Variants in PRDM11 observed in about 807,000 individuals in gnomAD.
The protein encoded by PRDM11 is PR/SET domain 11.
In PRDM11, 20 loss-of-function variants were observed where a neutral mutation model predicts 97.8. The observed-to-expected ratio is 0.20, with a 90% CI of 0.14 to 0.30. PRDM11 has a LOEUF of 0.30. Among genes scored for constraint, PRDM11 ranks in the 10% least tolerant of loss-of-function variants. PRDM11 has a pLI of 1.00. For synonymous variants in PRDM11, 599 were observed against 637.7 expected (o/e 0.94, Z 0.91); for missense variants, 1,139 against 1,555.2 (o/e 0.73, Z 4.50).
chr11:45,194,089 C>A (rs1231934723), intron 4 of PRDM11, among the ~76,000 whole-genome samples: 1 of 152,210 alleles, frequency 6.6e-6, no homozygotes, highest in Non-Finnish European at 1.5e-5. Flanking sequence ...GCCTGTTAAA[C>A]AGTCTAGTTC....
chr11:45,211,865 C>T (rs1853749401), intron 5 of PRDM11, among the ~76,000 whole-genome samples: 1 of 152,128 alleles, frequency 6.6e-6, no homozygotes, highest in Admixed American at 6.5e-5. Context: ...AACCAAACAC[C>T]ACCTGTACCC....
At position 45,098,599 on chromosome 11, in the gene PRDM11, G is replaced by A. The variant is rs117083966; in HGVS notation, c.96+2698G>A. On this transcript the variant is annotated intron_variant, in intron 1 of 6. Coordinates refer to the PRDM11 transcript ENST00000530656. ...GCAGAGCTGGGATTTGCATCCATGT[G>A]GTCAGGTCCCAGGATCCATGATTTT... 7.1e-3 allele frequency among the ~76,000 whole-genome samples: 1,085 copies of A among 152,270 alleles called. 5 individuals are homozygous for A. Among genetic ancestry groups the A allele is most frequent in the Non-Finnish European group, 0.011 (765 of 68,016 alleles).
chr11:45,124,773 T>C (rs1276533175), intron 1 of PRDM11, among the ~76,000 whole-genome samples: 1 of 152,228 alleles, frequency 6.6e-6, no homozygotes, highest in Non-Finnish European at 1.5e-5. Flanking sequence ...GCATCAATGT[T>C]CATCAAGGAT....
chr11:45,150,881 A>G (rs896025112), intron 1 of PRDM11, among the ~76,000 whole-genome samples: 24 of 152,184 alleles, frequency 1.6e-4, no homozygotes, highest in Middle Eastern at 3.2e-3. Context: ...TGCACTGAAA[A>G]CAGCTCCACA....
At chr11:45,145,496 C>T (rs894340627), upstream of PRDM11, among the ~76,000 whole-genome samples, 3 of 152,184 alleles carry the variant, frequency 2.0e-5, no homozygotes, top group East Asian at 5.8e-4. Flanking sequence ...TGGGAGGAGG[C>T]TTCCCTGGGG....
chr11:45,211,789 T>C (rs1381503453), intron 5 of PRDM11, among the ~76,000 whole-genome samples: 7 of 152,046 alleles, frequency 4.6e-5, no homozygotes, highest in Admixed American at 2.0e-4. Flanking sequence ...TATGGCACAG[T>C]GTATACTGCT....
intron 1 of PRDM11, among the ~76,000 whole-genome samples, chr11:45,126,984 T>C (rs1292434030): frequency 1.3e-5 from 2 of 152,248 alleles, no homozygotes; most frequent in African/African-American, 4.8e-5. Flanking sequence ...CAATCAGATG[T>C]AGATTTGGTC....
intron 1 of PRDM11, among the ~76,000 whole-genome samples, chr11:45,132,140 G>A (rs1852734718): frequency 6.6e-6 from 1 of 152,206 alleles, no homozygotes; most frequent in Non-Finnish European, 1.5e-5. Flanking sequence ...AAAGGGAAAT[G>A]GGATCACTGT....
At chr11:45,190,510 C>T (rs1220306131) in intron 4 of PRDM11, among the ~76,000 whole-genome samples, 1 of 149,992 alleles carries the variant, frequency 6.7e-6, no homozygotes, top group Non-Finnish European at 1.5e-5. Flanking sequence ...CATCATGACA[C>T]TTTACCTCAA....
chr11:45,106,419 T>C (rs898021941), intron 1 of PRDM11, among the ~76,000 whole-genome samples: 2 of 152,126 alleles, frequency 1.3e-5, no homozygotes, highest in African/African-American at 4.8e-5. Flanking sequence ...ATTTTTGCTT[T>C]CTTTGCTGGT....
In PRDM11 at chr11:45,171,161, G is replaced by A. The variant is rs1852193185; in HGVS notation, c.-6-10600G>A. Among the ~76,000 whole-genome samples the A allele has an allele frequency of 2.6e-5, 4 of 151,958 alleles. No individual in the cohort carries two copies. In the South Asian group the frequency reaches 8.3e-4, roughly 32 times the overall value. ...GTCACCCAGGCTCAAGTGCAATGGT[G>A]CAATCTAGGCTCACTGCAACCTCCA... On this transcript the variant is annotated intron_variant, in intron 1 of 7. Transcript: ENST00000683152.
rs1854411746 is a variant in PRDM11, at chr11:45,232,250, A to C, written c.*4091A>C. On this transcript the variant is annotated 3_prime_UTR_variant, in exon 8 of 8. Coordinates refer to ENST00000683152, the MANE Select transcript of PRDM11 (RefSeq NM_001384648.1). ...CACAGCCCTGGCCCAGCCGGCACTG[A>C]GGGGCTGGTGCCATGTTACTTGATC... The C allele has an allele frequency of 6.6e-6, 1 of 152,176 alleles. No individual in the cohort carries two copies. The highest frequency in any genetic ancestry group is 6.5e-5 in the Admixed American group (1 of 15,288). 9.4% of individuals were successfully genotyped at this position (152,176 alleles called of 1,614,324 possible).
rs1350917264 is a variant in PRDM11 at position 45,204,200 on chromosome 11, C to T, written c.487-511C>T. On this transcript the variant is annotated intron_variant, in intron 4 of 7. Coordinates refer to ENST00000683152, the MANE Select transcript of PRDM11 (RefSeq NM_001384648.1). Reference sequence around the variant, plus strand: ...AGTGATGATGAAATGAAAGAGAAACCAGCCAGCTTCAAACCCTGAGGCTCT... The same window carrying T: ...AGTGATGATGAAATGAAAGAGAAACTAGCCAGCTTCAAACCCTGAGGCTCT... Among the ~76,000 whole-genome samples the T allele has an allele frequency of 2.6e-5, 4 of 152,168 alleles. No individual in the cohort carries two copies. In the East Asian group the frequency reaches 5.8e-4, roughly 22 times the overall value.
At chr11:45,119,969 T>C (rs1565235566) in intron 1 of PRDM11, among the ~76,000 whole-genome samples, 1 of 152,128 alleles carries the variant, frequency 6.6e-6, no homozygotes, top group Non-Finnish European at 1.5e-5. Context: ...ATGATCAGCA[T>C]GTGAAAATAA....
At chr11:45,194,399 G>A (rs1248440194) in intron 4 of PRDM11, among the ~76,000 whole-genome samples, 1 of 152,068 alleles carries the variant, frequency 6.6e-6, no homozygotes, top group African/African-American at 2.4e-5. Context: ...TCCCCAAGGA[G>A]AGCTCTTGTT....
intron 5 of PRDM11, among the ~76,000 whole-genome samples, chr11:45,218,627 A>C (rs1854022875): frequency 6.6e-6 from 1 of 152,178 alleles, no homozygotes; most frequent in Non-Finnish European, 1.5e-5. Flanking sequence ...GAACCCTAAA[A>C]CGTCAACTAA....
At chr11:45,197,350 G>T (rs753054663) in intron 4 of PRDM11, among the ~76,000 whole-genome samples, 6 of 152,082 alleles carry the variant, frequency 3.9e-5, no homozygotes, top group Non-Finnish European at 7.3e-5. Flanking sequence ...GGGAAAGAGG[G>T]AAATAGGGAA....
At chr11:45,180,930 C>CGCCG (rs1852471652) in intron 1 of PRDM11, among the ~76,000 whole-genome samples, 1 of 152,090 alleles carries the variant, frequency 6.6e-6, no homozygotes, top group Non-Finnish European at 1.5e-5. Context: ...TCCCAGTCGC[C>CGCCG]GCCGCCGGCT....
intron 1 of PRDM11, among the ~76,000 whole-genome samples, chr11:45,099,009 T>C (rs1430351783): frequency 1.3e-5 from 2 of 151,870 alleles, no homozygotes; most frequent in African/African-American, 4.8e-5. Context: ...TGTATTGAAG[T>C]GGACTGGAGA....
Sources: allele counts gnomAD v4.1 joint callset (sites outside exome capture counted in the v4.1 genomes callset), GRCh38; gene constraint gnomAD v4.1.1; transcripts MANE v1.5; gene names NCBI Gene and HGNC (gene_info 2026-07-23, HGNC 2026-07-21).